Variants in PHACTR1 observed in about 807,000 individuals in gnomAD.
PHACTR1 encodes the protein RPEL repeat containing 1.
PHACTR1 carries 16 observed loss-of-function variants against 69.2 expected under a neutral mutation model. The observed-to-expected ratio is 0.23, with a 90% CI of 0.16 to 0.35. The LOEUF (loss-of-function observed/expected upper bound fraction) is 0.35, where lower values mean the gene tolerates loss of function less well. PHACTR1 is among the 10% of genes least tolerant of loss of function. The pLI is 1.00. For synonymous variants in PHACTR1, 312 were observed against 284.5 expected (o/e 1.10, Z -0.97); for missense variants, 510 against 734.7 (o/e 0.69, Z 3.54).
intron 7 of PHACTR1, among the ~76,000 whole-genome samples, chr6:13,203,363 C>T (rs536673235): frequency 6.6e-5 from 10 of 152,254 alleles, no homozygotes; most frequent in African/African-American, 2.4e-4. Flanking sequence ...CTTCAGAGAC[C>T]CTGTTTCATC....
At chr6:12,986,244 G>A (rs773525636) in intron 4 of PHACTR1, among the ~76,000 whole-genome samples, 3 of 152,194 alleles carry the variant, frequency 2.0e-5, no homozygotes, top group Non-Finnish European at 2.9e-5. Flanking sequence ...CTTCAGTGAC[G>A]CTGGCAAAGT....
chr6:13,194,964 G>T lies in PHACTR1; in HGVS notation c.665-10851G>T, dbSNP rs182621469. ...GGTTTTCACATGCTGACCTGGCTTG[G>T]AAGGGAAAGCCAGGTTTGGGGCATT... On this transcript the variant is annotated intron_variant, in intron 7 of 14. Transcript: ENST00000332995. Among the ~76,000 whole-genome samples, 9 of 152,286 alleles carry T rather than the reference G, an allele frequency of 5.9e-5. No individual in the cohort carries two copies. The East Asian group carries it at 1.7e-3, about 29-fold the overall frequency.
At chr6:13,177,817 T>C (rs1055499722) in intron 6 of PHACTR1, among the ~76,000 whole-genome samples, 52 of 152,324 alleles carry the variant, frequency 3.4e-4, no homozygotes, top group African/African-American at 1.1e-3. Flanking sequence ...AGCAGCCTAC[T>C]GAGCAGTTGT....
intron 4 of PHACTR1, among the ~76,000 whole-genome samples, chr6:12,969,344 A>G (rs6923878): frequency 0.07 from 10,676 of 152,290 alleles, 798 homozygotes; most frequent in African/African-American, 0.19. Flanking sequence ...TGTGTTCCTG[A>G]TAAAAGAAAG....
At chr6:12,875,594 C>T (rs1248322570) in intron 4 of PHACTR1, among the ~76,000 whole-genome samples, 1 of 152,146 alleles carries the variant, frequency 6.6e-6, no homozygotes, top group Non-Finnish European at 1.5e-5. Flanking sequence ...AAAAGGTACC[C>T]AGTCCAATTT....
intron 4 of PHACTR1, among the ~76,000 whole-genome samples, chr6:12,941,065 T>A (rs1228428631): frequency 1.2e-4 from 18 of 152,194 alleles, no homozygotes; most frequent in Admixed American, 1.2e-3. Flanking sequence ...CCTGGGCTTT[T>A]TATGGCATCA....
chr6:13,059,819 T>G (rs2127749313), intron 5 of PHACTR1, among the ~76,000 whole-genome samples: 1 of 151,960 alleles, frequency 6.6e-6, no homozygotes, highest in African/African-American at 2.4e-5. Flanking sequence ...CTTTGTGATA[T>G]CCAGAGTTGG....
chr6:13,237,073 T>C (rs1332706031), intron 10 of PHACTR1, among the ~76,000 whole-genome samples: 1 of 152,206 alleles, frequency 6.6e-6, no homozygotes, highest in Non-Finnish European at 1.5e-5. Flanking sequence ...AAATGACAAT[T>C]TCAATTTTTT....
intron 3 of PHACTR1, among the ~76,000 whole-genome samples, chr6:12,746,936 T>G (rs1765850540): frequency 6.6e-6 from 1 of 152,212 alleles, no homozygotes; most frequent in South Asian, 2.1e-4. Flanking sequence ...TTAGAATTGT[T>G]TATTTCCTTA....
chr6:12,751,513 G>A (rs189415283), intron 4 of PHACTR1, among the ~76,000 whole-genome samples: 89 of 152,342 alleles, frequency 5.8e-4, no homozygotes, highest in Middle Eastern at 3.4e-3. Flanking sequence ...CAGAGCCAAA[G>A]CAGCAGTTAG....
intron 4 of PHACTR1, among the ~76,000 whole-genome samples, chr6:12,784,958 C>T (rs1771360525): frequency 6.6e-6 from 1 of 151,942 alleles, no homozygotes; most frequent in East Asian, 1.9e-4. Flanking sequence ...ATCCGCCCAC[C>T]TCAGCCTCCC....
At chr6:13,248,945 G>C (rs1165857321) in intron 10 of PHACTR1, among the ~76,000 whole-genome samples, 8 of 152,214 alleles carry the variant, frequency 5.3e-5, no homozygotes, top group African/African-American at 1.9e-4. Flanking sequence ...ATGTCTTCTA[G>C]ATATTTTATT....
intron 5 of PHACTR1, among the ~76,000 whole-genome samples, chr6:13,097,128 C>G (rs1183757247): frequency 1.3e-5 from 2 of 152,162 alleles, no homozygotes; most frequent in African/African-American, 4.8e-5. Context: ...AAAGTTAACT[C>G]CTTGTAACCC....
intron 4 of PHACTR1, among the ~76,000 whole-genome samples, chr6:13,046,684 C>T (rs1278145810): frequency 6.6e-6 from 1 of 151,856 alleles, no homozygotes; most frequent in Non-Finnish European, 1.5e-5. Flanking sequence ...CTCTGTTGTC[C>T]CCATCATTTT....
At chr6:13,087,464 T>C (rs1812499450) in intron 5 of PHACTR1, among the ~76,000 whole-genome samples, 1 of 152,006 alleles carries the variant, frequency 6.6e-6, no homozygotes, top group African/African-American at 2.4e-5. Flanking sequence ...ACTAAATTCA[T>C]GTTCAAGTGA....
intron 3 of PHACTR1, among the ~76,000 whole-genome samples, chr6:12,743,917 C>T (rs1318265376): frequency 1.3e-5 from 2 of 152,122 alleles, no homozygotes; most frequent in African/African-American, 4.8e-5. Flanking sequence ...TAAAGCACTC[C>T]TCAGCAAATG....
intron 4 of PHACTR1, among the ~76,000 whole-genome samples, chr6:12,868,997 G>C (rs1781751703): frequency 6.6e-6 from 1 of 152,074 alleles, no homozygotes; most frequent in Non-Finnish European, 1.5e-5. Context: ...GTCTTGGGTA[G>C]CAGGTCCTTG....
chr6:12,816,298 A>G (rs915708920), intron 4 of PHACTR1, among the ~76,000 whole-genome samples: 2 of 152,244 alleles, frequency 1.3e-5, no homozygotes, highest in Admixed American at 1.3e-4. Context: ...GTTTCAAAGA[A>G]TGATGTCATC....
intron 4 of PHACTR1, among the ~76,000 whole-genome samples, chr6:12,991,177 G>A (rs190499517): frequency 6.6e-6 from 1 of 152,302 alleles, no homozygotes; most frequent in Admixed American, 6.5e-5. Context: ...CCTTGTTCCA[G>A]GAGGGTAGGC....
Sources: allele counts gnomAD v4.1 joint callset (sites outside exome capture counted in the v4.1 genomes callset), GRCh38; gene constraint gnomAD v4.1.1; transcripts MANE v1.5; gene names NCBI Gene and HGNC (gene_info 2026-07-23, HGNC 2026-07-21).